CAMK4: variants seen among roughly 807,000 people sequenced by gnomAD.
The protein encoded by CAMK4 is calcium/calmodulin-dependent protein kinase type IV.
Under a neutral mutation model 44.9 loss-of-function variants are expected in CAMK4, and 22 were observed. The observed-to-expected ratio is 0.49, with a 90% CI of 0.35 to 0.70. CAMK4 has a LOEUF of 0.70. Among genes scored for constraint, CAMK4 ranks in the 30% least tolerant of loss-of-function variants. The pLI, the probability that CAMK4 is intolerant of heterozygous loss-of-function variation, is 0.01. For missense variants in CAMK4, 498 were observed against 586.8 expected, an observed-to-expected ratio of 0.85 and a Z score of 1.56; for synonymous variants, 218 against 215.4, an observed-to-expected ratio of 1.01 and a Z score of -0.11.
chr5:111,302,755 G>GGCCT (rs1239847949), intron 1 of CAMK4, among the ~76,000 whole-genome samples: 1 of 72,040 alleles, frequency 1.4e-5, no homozygotes, highest in Non-Finnish European at 2.5e-5. Context: ...AACTCAAGGA[G>GGCCT]GCCTGCCTGC....
intron 1 of CAMK4, among the ~76,000 whole-genome samples, chr5:111,259,155 C>T (rs1247016433): frequency 1.3e-5 from 2 of 152,178 alleles, no homozygotes; most frequent in Non-Finnish European, 1.5e-5. Context: ...AGTTTGTTTT[C>T]TTTATCTTCC....
chr5:111,459,312 A>G (rs1324880961), intron 7 of CAMK4, among the ~76,000 whole-genome samples: 1 of 152,212 alleles, frequency 6.6e-6, no homozygotes, highest in Non-Finnish European at 1.5e-5. Flanking sequence ...CTGGCTCAAT[A>G]TACAAGACAA....
chr5:111,335,444 G>A (rs577370779), intron 1 of CAMK4, among the ~76,000 whole-genome samples: 2 of 151,218 alleles, frequency 1.3e-5, no homozygotes, highest in Non-Finnish European at 3.0e-5. Flanking sequence ...CAACACTCCT[G>A]CATTGTTTTT....
At chr5:111,390,973 T>C (rs1263361485) in intron 4 of CAMK4, among the ~76,000 whole-genome samples, 1 of 152,112 alleles carries the variant, frequency 6.6e-6, no homozygotes, top group Non-Finnish European at 1.5e-5. Context: ...TTCAAGTTAT[T>C]TGGAAGAAGG....
At chr5:111,316,728 G>T (rs1271274579) in intron 1 of CAMK4, among the ~76,000 whole-genome samples, 1 of 152,140 alleles carries the variant, frequency 6.6e-6, no homozygotes, top group Non-Finnish European at 1.5e-5. Context: ...GGAGCCCATA[G>T]TACCTCAGTG....
At chr5:111,307,903 T>C (rs1260912067) in intron 1 of CAMK4, among the ~76,000 whole-genome samples, 30 of 43,278 alleles carry the variant, frequency 6.9e-4, no homozygotes, top group East Asian at 1.6e-3. Flanking sequence ...ATATACACCA[T>C]GGAATACTAT....
chr5:111,332,227 C>T (rs1250110499), intron 1 of CAMK4, among the ~76,000 whole-genome samples: 2 of 73,288 alleles, frequency 2.7e-5, no homozygotes, highest in Admixed American at 3.3e-4. Flanking sequence ...CTATCCCTCC[C>T]CCCTCCCCCC....
chr5:111,451,560 T>G lies in CAMK4; in HGVS notation c.625+2357T>G, dbSNP rs76918632. ...GCCTCGGCCTCCCAAAGTGCTGGGA[T>G]TACAGGCATGAGCCACCATGTCCAG... On this transcript the variant is annotated intron_variant, in intron 7 of 10. Coordinates refer to ENST00000282356, the MANE Select transcript of CAMK4 (RefSeq NM_001744.6). Among the ~76,000 whole-genome samples the G allele has an allele frequency of 4.3e-3, 650 of 152,170 alleles. 6 individuals are homozygous for G. Among genetic ancestry groups the G allele is most frequent in the African/African-American group, 0.015 (624 of 41,512 alleles).
chr5:111,387,285 C>A lies in CAMK4; in HGVS notation c.387-7425C>A, dbSNP rs114264575. Among the ~76,000 whole-genome samples the A allele has an allele frequency of 1.6e-3, 246 of 152,200 alleles. 2 individuals are homozygous for A. Among genetic ancestry groups the A allele is most frequent in the African/African-American group, 5.4e-3 (226 of 41,502 alleles). The stretch of plus-strand genomic sequence containing the variant: ...GTATATTTCGTATAAAGCTATAAAA[C>A]CTTGAGTCTCTACCCATGGTTCAAT... On this transcript the variant is annotated intron_variant, in intron 4 of 10. Coordinates refer to ENST00000282356, the MANE Select transcript of CAMK4 (RefSeq NM_001744.6).
intron 7 of CAMK4, among the ~76,000 whole-genome samples, chr5:111,461,916 T>G (rs1264734974): frequency 6.6e-6 from 1 of 151,716 alleles, no homozygotes; most frequent in Non-Finnish European, 1.5e-5. Flanking sequence ...AAATAGATCT[T>G]TTCCCATATG....
At chr5:111,281,699 A>G (rs1751023896) in intron 1 of CAMK4, among the ~76,000 whole-genome samples, 1 of 152,212 alleles carries the variant, frequency 6.6e-6, no homozygotes, top group African/African-American at 2.4e-5. Context: ...TAAATTACAT[A>G]TATCAAGATA....
chr5:111,346,982 A>G (rs1749900430), intron 2 of CAMK4, among the ~76,000 whole-genome samples: 1 of 152,032 alleles, frequency 6.6e-6, no homozygotes, highest in Non-Finnish European at 1.5e-5. Flanking sequence ...ATGAAAGGTA[A>G]GGGTACATTT....
intron 1 of CAMK4, among the ~76,000 whole-genome samples, chr5:111,298,832 C>T (rs879478170): frequency 2.0e-5 from 3 of 152,210 alleles, no homozygotes; most frequent in Non-Finnish European, 4.4e-5. Flanking sequence ...CACCCGTGCC[C>T]CGTTAGGAAC....
rs1231334301 is a variant in CAMK4 at position 111,384,874 on chromosome 5, A to G, written c.386+7932A>G. On this transcript the variant is annotated intron_variant, in intron 4 of 10. Transcript: ENST00000282356. ...TACTCACTACTTTCACTTAAAGTCA[A>G]TACTTTTAAACATGACAAAAAAAAG... is the stretch of plus-strand genomic sequence containing the variant. 5.3e-5 allele frequency among the ~76,000 whole-genome samples: 8 copies of G among 152,152 alleles called. No homozygotes were observed. In the East Asian group the frequency reaches 7.7e-4, roughly 15 times the overall value.
intron 5 of CAMK4, among the ~76,000 whole-genome samples, chr5:111,398,984 A>G (rs543004479): frequency 9.9e-5 from 15 of 152,274 alleles, no homozygotes; most frequent in African/African-American, 3.1e-4. Flanking sequence ...TATGAAACCT[A>G]CTTCCACTCC....
chr5:111,414,429 A>G (rs1184331147), intron 5 of CAMK4, among the ~76,000 whole-genome samples: 1 of 152,124 alleles, frequency 6.6e-6, no homozygotes, highest in Non-Finnish European at 1.5e-5. Flanking sequence ...ACCATCCACA[A>G]TACATTACCA....
intron 5 of CAMK4, among the ~76,000 whole-genome samples, chr5:111,409,145 G>A (rs1045482257): frequency 5.9e-5 from 9 of 152,286 alleles, no homozygotes; most frequent in African/African-American, 1.4e-4. Flanking sequence ...TTTGTGTGGG[G>A]GCTACAACCC....
chr5:111,396,376 T>A (rs527638859), intron 5 of CAMK4, among the ~76,000 whole-genome samples: 1 of 152,160 alleles, frequency 6.6e-6, no homozygotes, highest in East Asian at 1.9e-4. Context: ...ATCTTCTCAC[T>A]GTACCCAAAT....
intron 4 of CAMK4, among the ~76,000 whole-genome samples, chr5:111,382,946 C>A (rs533406997): frequency 2.0e-5 from 3 of 152,272 alleles, no homozygotes; most frequent in African/African-American, 7.2e-5. Context: ...AAATACATCT[C>A]TTTATGTGGC....
Sources: gnomAD v4.1 joint callset for allele counts (sites outside exome capture counted in the v4.1 genomes callset) on GRCh38, gnomAD v4.1.1 for gene constraint, MANE v1.5 for transcripts, NCBI Gene and HGNC (gene_info 2026-07-23, HGNC 2026-07-21) for gene names.